FRMPD3: variants seen among roughly 807,000 people sequenced by gnomAD.
FRMPD3 encodes the protein FERM and PDZ domain containing 3, also known as FERM and PDZ domain-containing protein 3.
A neutral mutation model predicts 97.9 loss-of-function variants in FRMPD3; 42 were observed. The ratio of observed to expected loss-of-function variants is 0.43; its 90% CI spans 0.34 to 0.55. The LOEUF (loss-of-function observed/expected upper bound fraction) is 0.55. Among genes scored for constraint, FRMPD3 ranks in the 20% least tolerant of loss-of-function variants. FRMPD3 has a pLI of 0.03. For missense variants in FRMPD3, 1,303 were observed against 1,457.7 expected, an observed-to-expected ratio of 0.89 and a Z score of 1.73; for synonymous variants, 577 against 581.1, an observed-to-expected ratio of 0.99 and a Z score of 0.10.
chrX:107,481,656 C>T (rs1481343121), intron 1 of FRMPD3, among the ~76,000 whole-genome samples: 1 of 111,946 alleles, frequency 8.9e-6, no homozygotes, highest in Non-Finnish European at 1.9e-5. Flanking sequence ...AGGAAAGAAG[C>T]TGGTCTGGAG....
chrX:107,507,262 G>A (rs999966363), intron 1 of FRMPD3, among the ~76,000 whole-genome samples: 1 of 110,792 alleles, frequency 9.0e-6, no homozygotes, highest in Non-Finnish European at 1.9e-5. Flanking sequence ...CAGCCCTCCG[G>A]TCCTTTCGAG....
chrX:107,460,425 C>T (rs1931450189), intron 1 of FRMPD3, among the ~76,000 whole-genome samples: 1 of 108,073 alleles, frequency 9.3e-6, no homozygotes, highest in Non-Finnish European at 1.9e-5. Context: ...GGATCTCGGT[C>T]TGTTGCCTAG....
In FRMPD3 at chrX:107,601,080, G is replaced by A. The variant is rs779616238; in HGVS notation, c.3041G>A (p.Ser1014Asn). 3.3e-6 allele frequency: 4 copies of A among 1,208,432 alleles called. No homozygotes were observed. The East Asian group carries it at 1.2e-4, about 36-fold the overall frequency. ...SKNLKFKISP[S>N]APETSWNSQH... ...AATCTGAAGTTCAAAATTAGCCCCA[G>A]TGCTCCAGAGACCTCATGGAATTCT... Residue 1014 changes from serine (S) to asparagine (N), a missense_variant, in exon 15 of 15, where the codon AGT becomes AAT. Physicochemically the swap from Ser to Asn is conservative, Grantham distance 46. This residue lies in a region of FRMPD3 where 764 missense variants were observed against 820.2 expected (regional missense o/e 0.93). Coordinates refer to ENST00000683843, the MANE Select transcript of FRMPD3 (RefSeq NM_001388459.1).
chrX:107,503,032 G>C (rs1278754072), intron 1 of FRMPD3, among the ~76,000 whole-genome samples: 8 of 111,609 alleles, frequency 7.2e-5, no homozygotes, highest in Non-Finnish European at 1.3e-4. Flanking sequence ...CTCATCCTAG[G>C]GCAGATATAA....
intron 1 of FRMPD3, among the ~76,000 whole-genome samples, chrX:107,506,700 G>A (rs757618554): frequency 2.7e-5 from 3 of 112,242 alleles, no homozygotes; most frequent in African/African-American, 6.5e-5. Context: ...TGGGGGCGCC[G>A]ACTGTCCCGG....
intron 1 of FRMPD3, among the ~76,000 whole-genome samples, chrX:107,515,285 G>A (rs1304936197): frequency 9.0e-6 from 1 of 111,690 alleles, no homozygotes; most frequent in African/African-American, 3.3e-5. Context: ...AGAAACCCAC[G>A]AAGGAGACTA....
At chrX:107,515,724 G>T in intron 1 of FRMPD3, among the ~76,000 whole-genome samples, 1 of 111,618 alleles carries the variant, frequency 9.0e-6, no homozygotes. Context: ...ATTTCCATCA[G>T]CATGCTAGCA....
At chrX:107,461,757 TTATA>T (rs1931476429) in intron 1 of FRMPD3, among the ~76,000 whole-genome samples, 1 of 92,000 alleles carries the variant, frequency 1.1e-5, no homozygotes, top group African/African-American at 4.2e-5. Context: ...CTGGAATTCA[TTATA>T]CATATACATA....
chrX:107,498,836 C>A (rs1921837797), intron 1 of FRMPD3, among the ~76,000 whole-genome samples: 1 of 111,484 alleles, frequency 9.0e-6, no homozygotes, highest in South Asian at 3.8e-4. Context: ...ACCTATTCTA[C>A]AGGAGAGACT....
chrX:107,534,496 G>A (rs1183734440), intron 4 of FRMPD3, among the ~76,000 whole-genome samples: 1 of 111,020 alleles, frequency 9.0e-6, no homozygotes, highest in Non-Finnish European at 1.9e-5. Flanking sequence ...GGACCTTGAG[G>A]GATGGGGCAA....
chrX:107,515,247 C>T (rs980156155), intron 1 of FRMPD3, among the ~76,000 whole-genome samples: 2 of 110,858 alleles, frequency 1.8e-5, no homozygotes, highest in Non-Finnish European at 3.8e-5. Flanking sequence ...CCAAGGAACC[C>T]CAATATCTAG....
At chrX:107,563,687 A>T (rs1000721039) in intron 11 of FRMPD3, among the ~76,000 whole-genome samples, 7 of 112,037 alleles carry the variant, frequency 6.2e-5, no homozygotes, top group African/African-American at 2.3e-4. Context: ...AAATCTAAAA[A>T]CCATTCTTAG....
chrX:107,516,260 T>C (rs1474101800), intron 1 of FRMPD3, among the ~76,000 whole-genome samples: 1 of 110,652 alleles, frequency 9.0e-6, no homozygotes, highest in Non-Finnish European at 1.9e-5. Flanking sequence ...CACATTTTCT[T>C]AATCCAGTCT....
intron 1 of FRMPD3, among the ~76,000 whole-genome samples, chrX:107,455,786 C>A (rs1931368114): frequency 9.0e-6 from 1 of 111,564 alleles, no homozygotes; most frequent in Non-Finnish European, 1.9e-5. Context: ...GTACAAGGCA[C>A]TGTGCTAGTT....
At chrX:107,566,825 G>A (rs1922624207) in intron 12 of FRMPD3, among the ~76,000 whole-genome samples, 1 of 112,335 alleles carries the variant, frequency 8.9e-6, no homozygotes, top group African/African-American at 3.2e-5. Flanking sequence ...AGAGCTCTGG[G>A]AGGAAACAGG....
rs182343454 is a variant in FRMPD3, at chrX:107,598,402, G to A, written c.2263+260G>A. Among the ~76,000 whole-genome samples the A allele has an allele frequency of 2.7e-5, 3 of 112,215 alleles. No homozygotes were observed. The Admixed American group carries it at 2.8e-4, about 11-fold the overall frequency. ...TTACAGATAGATCCCAGGGATTGGG[G>A]TCATGACAGCTATGGATGCAGGCCA... is the stretch of plus-strand genomic sequence containing the variant. On this transcript the variant is annotated intron_variant, in intron 14 of 14. Transcript: ENST00000683843.
intron 1 of FRMPD3, among the ~76,000 whole-genome samples, chrX:107,487,961 C>A (rs753577237): frequency 1.7e-4 from 19 of 111,827 alleles, no homozygotes; most frequent in Admixed American, 3.8e-4. Flanking sequence ...GTTAGCAATC[C>A]TGGGCTGAAG....
At chrX:107,511,352 G>C (rs765113348) in intron 1 of FRMPD3, among the ~76,000 whole-genome samples, 1 of 112,204 alleles carries the variant, frequency 8.9e-6, no homozygotes, top group Non-Finnish European at 1.9e-5. Context: ...GCTCAAATCT[G>C]GCCCTTCCTG....
intron 4 of FRMPD3, among the ~76,000 whole-genome samples, chrX:107,542,694 T>G (rs750726839): frequency 8.9e-6 from 1 of 112,556 alleles, no homozygotes; most frequent in African/African-American, 3.2e-5. Flanking sequence ...CTGATGTGTA[T>G]CTTAGGGCCC....
Sources: gnomAD v4.1 joint callset for allele counts (sites outside exome capture counted in the v4.1 genomes callset) on GRCh38, gnomAD v4.1.1 for gene constraint, gnomAD v4.1.1 regional missense constraint, MANE v1.5 for transcripts, NCBI Gene and HGNC (gene_info 2026-07-23, HGNC 2026-07-21) for gene names.